PREX1: variants seen among roughly 807,000 people sequenced by gnomAD.
PREX1 encodes phosphatidylinositol-3,4,5-trisphosphate dependent Rac exchange factor 1.
Under a neutral mutation model 198.3 loss-of-function variants are expected in PREX1, and 41 were observed. That is an observed-to-expected ratio of 0.21 (90% CI 0.16 to 0.27). The LOEUF (loss-of-function observed/expected upper bound fraction) is 0.27, where lower values mean the gene tolerates loss of function less well. Ranked by LOEUF, PREX1 falls within the 10% of genes least tolerant of loss-of-function variation. The pLI is 1.00. For synonymous variants in PREX1, 843 were observed against 887.2 expected (o/e 0.95, Z 0.89); for missense variants, 1,620 against 2,200.7 (o/e 0.74, Z 5.28).
chr20:48,868,281 G>A, the PREX1 span, among the ~76,000 whole-genome samples: 2 of 152,054 alleles, frequency 1.3e-5, no homozygotes, highest in Non-Finnish European at 1.5e-5. Context: ...ATCTGCTTTT[G>A]CCTGCAGGAA....
At chr20:48,774,862 T>C (rs909492017) in intron 1 of PREX1, among the ~76,000 whole-genome samples, 8 of 152,216 alleles carry the variant, frequency 5.3e-5, no homozygotes, top group African/African-American at 1.7e-4. Flanking sequence ...AGGAACTCCA[T>C]GGAAACGCAC....
chr20:48,634,630 C>A, intron 33 of PREX1, 46 bp downstream of exon 33: 1 of 1,593,488 alleles, frequency 6.3e-7, no homozygotes, highest in Non-Finnish European at 8.6e-7. Flanking sequence ...TCCCTTCCAC[C>A]CCAGGACCCC....
intron 1 of PREX1, among the ~76,000 whole-genome samples, chr20:48,749,783 G>C (rs1036427127): frequency 6.6e-6 from 1 of 152,058 alleles, no homozygotes; most frequent in African/African-American, 2.4e-5. Context: ...TATGCCTAGT[G>C]TTCCATTACT....
At position 48,625,737 on chromosome 20, in the gene PREX1, G is replaced by C; in HGVS notation, c.*148C>G. 7 of 994,720 alleles carry C rather than the reference G, an allele frequency of 7.0e-6. No individual in the cohort carries two copies. Among genetic ancestry groups the C allele is most frequent in the Non-Finnish European group, 8.5e-6 (6 of 703,474 alleles). The allele number at this position is 994,720 out of a possible 1,614,324, so 61.6% of individuals were successfully genotyped here. ...CAGCGAGGGTGGCCAGGCTTGTCCC[G>C]GAAGGAGGCAGGGAGGACGCTGGGC... On this transcript the variant is annotated 3_prime_UTR_variant, in exon 40 of 40. Transcript: ENST00000371941.
At chr20:48,720,429 C>A (rs11696900) in intron 5 of PREX1, among the ~76,000 whole-genome samples, 10,627 of 152,162 alleles carry the variant, frequency 0.07, 436 homozygotes, top group South Asian at 0.14. Flanking sequence ...TGACACATAA[C>A]AGTTGCTCAA....
intron 1 of PREX1, among the ~76,000 whole-genome samples, chr20:48,776,849 G>A (rs914322881): frequency 1.3e-5 from 2 of 152,116 alleles, no homozygotes; most frequent in Non-Finnish European, 2.9e-5. Flanking sequence ...AGAGTCAGTG[G>A]TAGTACTGTT....
At chr20:48,718,831 A>C (rs2089973476) in intron 5 of PREX1, among the ~76,000 whole-genome samples, 1 of 152,342 alleles carries the variant, frequency 6.6e-6, no homozygotes, top group Non-Finnish European at 1.5e-5. Context: ...TCATCTTTAT[A>C]ATAACCAATA....
the PREX1 span, among the ~76,000 whole-genome samples, chr20:48,873,072 T>C: frequency 6.6e-6 from 1 of 152,222 alleles, no homozygotes; most frequent in Non-Finnish European, 1.5e-5. Context: ...GAGATGCTGT[T>C]GGTCTCATGA....
intron 1 of PREX1, among the ~76,000 whole-genome samples, chr20:48,797,673 C>A (rs1269150179): frequency 6.6e-6 from 1 of 152,184 alleles, no homozygotes; most frequent in Non-Finnish European, 1.5e-5. Flanking sequence ...CTCAAACAAC[C>A]CTGTTCTCAC....
intron 1 of PREX1, among the ~76,000 whole-genome samples, chr20:48,759,349 C>T (rs1025204171): frequency 6.6e-6 from 1 of 151,718 alleles, no homozygotes; most frequent in Admixed American, 6.6e-5. Context: ...CAGGAGTTCG[C>T]GACCAGCCTG....
chr20:48,627,563 G>A lies in PREX1; in HGVS notation c.4922C>T (p.Pro1641Leu), dbSNP rs2089282755. 6.2e-7 allele frequency: 1 copy of A among 1,613,974 alleles called. No individual in the cohort carries two copies. The highest frequency in any genetic ancestry group is 1.6e-4 in the Middle Eastern group (1 of 6,062). Residue 1641 changes from proline (P) to leucine (L), a missense_variant, in exon 39 of 40, where the codon CCC becomes CTC. By Grantham distance (98) the Pro-to-Leu change is moderately conservative (BLOSUM62 -3). Coordinates refer to ENST00000371941, the MANE Select transcript of PREX1 (RefSeq NM_020820.4). Reference sequence around the variant, plus strand: ...AGCCACTCACCGCGGAGCACCCTGGGGCATCTGGTCCTTGACTCGCAGGTT... The same window carrying A: ...AGCCACTCACCGCGGAGCACCCTGGAGCATCTGGTCCTTGACTCGCAGGTT... ...AKNLRVKDQM[P>L]QGAPRLYRLC... is the part of the protein sequence containing the mutation.
intron 10 of PREX1, among the ~76,000 whole-genome samples, chr20:48,681,653 C>T (rs1186810659): frequency 1.4e-5 from 2 of 144,432 alleles, no homozygotes; most frequent in East Asian, 2.0e-4. Context: ...GCTGGGCAGG[C>T]AGGTTGGTGG....
At chr20:48,814,106 GC>G (rs2090448729) in intron 1 of PREX1, among the ~76,000 whole-genome samples, 1 of 152,180 alleles carries the variant, frequency 6.6e-6, no homozygotes, top group Admixed American at 6.5e-5. Flanking sequence ...GGCTGCGGCT[GC>G]CCCTACACGT....
the PREX1 span, among the ~76,000 whole-genome samples, chr20:48,878,373 T>C: frequency 6.6e-6 from 1 of 151,904 alleles, no homozygotes; most frequent in Non-Finnish European, 1.5e-5. Flanking sequence ...GGAGTCTCAC[T>C]CTGTTGCCTA....
intron 15 of PREX1, among the ~76,000 whole-genome samples, chr20:48,661,448 T>A (rs867589914): frequency 0.012 from 768 of 66,022 alleles, 1 homozygote; most frequent in Middle Eastern, 0.021. Flanking sequence ...AAAAAAAATA[T>A]ATATATATAT....
intron 1 of PREX1, among the ~76,000 whole-genome samples, chr20:48,814,497 G>A (rs1470930826): frequency 4.6e-5 from 7 of 152,170 alleles, no homozygotes; most frequent in Admixed American, 3.9e-4. Context: ...AGAGCTCCAG[G>A]TAATAGGAAG....
In PREX1 at chr20:48,670,630, C is replaced by T. The variant is rs1281891079; in HGVS notation, c.1666-4275G>A. On this transcript the variant is annotated intron_variant, in intron 14 of 39. Coordinates refer to ENST00000371941, the MANE Select transcript of PREX1 (RefSeq NM_020820.4). ...TCAAAGCCCCGCTCTGCCCTGGCCA[C>T]GTCCTTGGGCAATCCCTTAGCCTCT... Among the ~76,000 whole-genome samples, 3 of 152,244 alleles carry T rather than the reference C, an allele frequency of 2.0e-5. No homozygotes were observed. The East Asian group carries it at 5.8e-4, about 29-fold the overall frequency.
intron 1 of PREX1, among the ~76,000 whole-genome samples, chr20:48,797,952 G>A (rs548116784): frequency 1.3e-3 from 199 of 152,316 alleles, no homozygotes; most frequent in Middle Eastern, 3.4e-3. Flanking sequence ...CATTCAAGGG[G>A]GTGCCCAAAG....
the PREX1 span, among the ~76,000 whole-genome samples, chr20:48,880,751 C>T: frequency 6.6e-6 from 1 of 151,942 alleles, no homozygotes; most frequent in Non-Finnish European, 1.5e-5. Context: ...GGCTTATTTA[C>T]TAGGAAAGAA....
Sources: gnomAD v4.1 joint callset for allele counts (sites outside exome capture counted in the v4.1 genomes callset) on GRCh38, gnomAD v4.1.1 for gene constraint, MANE v1.5 for transcripts, NCBI Gene and HGNC (gene_info 2026-07-23, HGNC 2026-07-21) for gene names.